The following RABGEF1 variants were observed in gnomAD, a reference collection of about 807,000 sequenced individuals.
RABGEF1 encodes the protein rab5 GDP/GTP exchange factor.
A neutral mutation model predicts 57.3 loss-of-function variants in RABGEF1; 26 were observed. That is an observed-to-expected ratio of 0.45 (90% CI 0.33 to 0.63). RABGEF1 has a LOEUF of 0.63. Among genes scored for constraint, RABGEF1 ranks in the 20% least tolerant of loss-of-function variants. The pLI, the probability that RABGEF1 is intolerant of heterozygous loss-of-function variation, is 0.02. For missense variants in RABGEF1, 464 were observed against 607.6 expected (o/e 0.76, Z 2.48); for synonymous variants, 185 against 210.7 (o/e 0.88, Z 1.06).
chr7:66,758,924 C>G lies in RABGEF1; in HGVS notation c.-17-12959C>G, dbSNP rs377282757. Among the ~76,000 whole-genome samples, 7 of 152,278 alleles carry G rather than the reference C, an allele frequency of 4.6e-5. No homozygotes were observed. In the East Asian group the frequency reaches 7.7e-4, roughly 17 times the overall value. On this transcript the variant is annotated intron_variant, in intron 1 of 8. Transcript: ENST00000284957. ...TTTGGAACAATTAATGACTTCAAATCCATAGGAAGCTGTAAATACAGTACA... is the reference window on the plus strand; with the variant it reads ...TTTGGAACAATTAATGACTTCAAATGCATAGGAAGCTGTAAATACAGTACA...
At chr7:66,747,437 T>A (rs180993330) in intron 1 of RABGEF1, among the ~76,000 whole-genome samples, 24 of 152,284 alleles carry the variant, frequency 1.6e-4, no homozygotes, top group African/African-American at 4.8e-4. Context: ...ACAAAGACCT[T>A]ATGAACCACA....
At chr7:66,679,978 G>A (rs1289910720), upstream of RABGEF1, among the ~76,000 whole-genome samples, 1 of 152,172 alleles carries the variant, frequency 6.6e-6, no homozygotes, top group Non-Finnish European at 1.5e-5. Flanking sequence ...GGAGTTGGAG[G>A]CAGGAGTGTG....
chr7:66,778,227 CT>C (rs1262703124), intron 3 of RABGEF1, among the ~76,000 whole-genome samples: 1 of 152,156 alleles, frequency 6.6e-6, no homozygotes, highest in African/African-American at 2.4e-5. Flanking sequence ...TGGTGTTTTA[CT>C]TGCTTCTGTT....
At chr7:66,770,689 G>A (rs1806875807) in intron 1 of RABGEF1, among the ~76,000 whole-genome samples, 1 of 152,116 alleles carries the variant, frequency 6.6e-6, no homozygotes. Context: ...TTGCTGTGTT[G>A]CCCAGGCTGG....
intron 1 of RABGEF1, among the ~76,000 whole-genome samples, chr7:66,765,537 G>A (rs12671357): frequency 0.23 from 35,531 of 151,764 alleles, 4,296 homozygotes; most frequent in East Asian, 0.3. Context: ...GAGGATGGGC[G>A]TGCACGTAAA....
chr7:66,736,931 TACAG>T (rs1230393398), upstream of RABGEF1, among the ~76,000 whole-genome samples: 1 of 152,066 alleles, frequency 6.6e-6, no homozygotes, highest in African/African-American at 2.4e-5. Flanking sequence ...CACCTACGTA[TACAG>T]ACACACACAC....
chr7:66,781,574 A>C (rs1382267444), intron 3 of RABGEF1, among the ~76,000 whole-genome samples: 1 of 151,944 alleles, frequency 6.6e-6, no homozygotes, highest in Admixed American at 6.6e-5. Flanking sequence ...CAGGATTCTT[A>C]TGTTTCTTCC....
chr7:66,658,419 G>A, the RABGEF1 span, among the ~76,000 whole-genome samples: 2 of 151,782 alleles, frequency 1.3e-5, no homozygotes, highest in African/African-American at 4.8e-5. Context: ...TGTAATCACA[G>A]CAACTCAGGA....
chr7:66,657,494 C>T, the RABGEF1 span, among the ~76,000 whole-genome samples: 3 of 152,180 alleles, frequency 2.0e-5, no homozygotes, highest in Admixed American at 6.5e-5. Context: ...AAGCAGCGTT[C>T]AGAGGGAAAT....
chr7:66,805,711 T>C (rs116940959), intron 8 of RABGEF1, among the ~76,000 whole-genome samples: 2,227 of 152,214 alleles, frequency 0.015, 60 homozygotes, highest in East Asian at 0.094. Context: ...AAATTATGTA[T>C]AAGTTAATAA....
chr7:66,737,434 A>G (rs972347661), upstream of RABGEF1, among the ~76,000 whole-genome samples: 3 of 147,764 alleles, frequency 2.0e-5, no homozygotes, highest in Non-Finnish European at 4.4e-5. Flanking sequence ...ACGCAATACG[A>G]GACTGGGTAG....
chr7:66,795,921 G>A (rs369848918), intron 5 of RABGEF1, among the ~76,000 whole-genome samples: 1 of 152,116 alleles, frequency 6.6e-6, no homozygotes, highest in African/African-American at 2.4e-5. Context: ...GGCGGATCAC[G>A]TTAGGCCAGG....
chr7:66,787,975 A>G (rs1271014808), intron 4 of RABGEF1, among the ~76,000 whole-genome samples: 1 of 152,228 alleles, frequency 6.6e-6, no homozygotes, highest in Admixed American at 6.5e-5. Flanking sequence ...AAACTTCTGG[A>G]AAAACTCTTT....
At chr7:66,736,102 AAAAC>A (rs1244777810), upstream of RABGEF1, among the ~76,000 whole-genome samples, 1 of 152,198 alleles carries the variant, frequency 6.6e-6, no homozygotes, top group East Asian at 1.9e-4. Flanking sequence ...ATGATGGAAA[AAAAC>A]AAGACAAAAA....
At chr7:66,772,946 G>T (rs1005263564) in intron 2 of RABGEF1, among the ~76,000 whole-genome samples, 2 of 151,684 alleles carry the variant, frequency 1.3e-5, no homozygotes, top group Admixed American at 6.6e-5. Flanking sequence ...ATAAATGATG[G>T]GATGGCTAGT....
chr7:66,758,502 A>G (rs571855872), intron 1 of RABGEF1, among the ~76,000 whole-genome samples: 81 of 152,354 alleles, frequency 5.3e-4, no homozygotes, highest in African/African-American at 1.8e-3. Flanking sequence ...GTGCTCCAAC[A>G]GGAGCGATGT....
At chr7:66,722,806 G>A (rs543807385) in intron 2 of RABGEF1, among the ~76,000 whole-genome samples, 36 of 152,166 alleles carry the variant, frequency 2.4e-4, no homozygotes, top group Admixed American at 1.7e-3. Context: ...TAGAATCAGC[G>A]TGTCACTTTC....
intron 1 of RABGEF1, among the ~76,000 whole-genome samples, chr7:66,749,861 C>A (rs565740662): frequency 6.6e-6 from 1 of 152,208 alleles, no homozygotes; most frequent in South Asian, 2.1e-4. Flanking sequence ...GTAGTCCCAG[C>A]TACTCGGGAG....
upstream of RABGEF1, among the ~76,000 whole-genome samples, chr7:66,677,963 G>A (rs971354670): frequency 6.6e-6 from 1 of 151,580 alleles, no homozygotes; most frequent in Non-Finnish European, 1.5e-5. Flanking sequence ...TACTTGGGGG[G>A]CTGAGGCAAG....
Sources: allele counts gnomAD v4.1 joint callset (sites outside exome capture counted in the v4.1 genomes callset), GRCh38; gene constraint gnomAD v4.1.1; transcripts MANE v1.5; gene names NCBI Gene and HGNC (gene_info 2026-07-23, HGNC 2026-07-21).